Variants in SGCG observed in about 807,000 individuals in gnomAD.
The protein encoded by SGCG is gamma-sarcoglycan.
In SGCG, 26 loss-of-function variants were observed where a neutral mutation model predicts 29.3. The observed-to-expected ratio is 0.89, with a 90% CI of 0.65 to 1.23. The LOEUF is 1.23. SGCG is among the 50% of genes most tolerant of loss of function. The pLI is 0.00. For missense variants in SGCG, 353 were observed against 356.0 expected (o/e 0.99, Z 0.07); for synonymous variants, 145 against 129.7 (o/e 1.12, Z -0.80).
chr13:23,200,314 T>C lies in SGCG; in HGVS notation c.1-3381T>C, dbSNP rs192530187. 1.5e-4 allele frequency among the ~76,000 whole-genome samples: 22 copies of C among 150,420 alleles called. No homozygotes were observed. The East Asian group carries it at 4.2e-3, about 29-fold the overall frequency. On this transcript the variant is annotated intron_variant, in intron 1 of 7. Coordinates refer to ENST00000218867, the MANE Select transcript of SGCG (RefSeq NM_000231.3). ...GGCATGTGCCTGTAATCCCAGCTGCTTGGGAGACCGAGGCAGGAGACTCAC... is the reference window on the plus strand; with the variant it reads ...GGCATGTGCCTGTAATCCCAGCTGCCTGGGAGACCGAGGCAGGAGACTCAC...
chr13:23,323,869 A>G (rs1883136196), intron 7 of SGCG, among the ~76,000 whole-genome samples: 1 of 152,234 alleles, frequency 6.6e-6, no homozygotes, highest in South Asian at 2.1e-4. Flanking sequence ...GGTAAAAATT[A>G]TTAAGATGAA....
intron 2 of SGCG, among the ~76,000 whole-genome samples, chr13:23,226,788 T>C (rs1344738718): frequency 1.3e-5 from 2 of 152,050 alleles, no homozygotes; most frequent in African/African-American, 2.4e-5. Flanking sequence ...GGGTACCGAG[T>C]TGCAGTTTAG....
chr13:23,195,698 TAAG>T (rs1411276550), intron 1 of SGCG, among the ~76,000 whole-genome samples: 2 of 151,558 alleles, frequency 1.3e-5, no homozygotes, highest in African/African-American at 4.8e-5. Context: ...GTGTGTATAA[TAAG>T]GGTATTATTA....
At chr13:23,193,003 A>G (rs1877339384) in intron 1 of SGCG, among the ~76,000 whole-genome samples, 1 of 152,198 alleles carries the variant, frequency 6.6e-6, no homozygotes, top group Non-Finnish European at 1.5e-5. Context: ...ATGCATCATT[A>G]TGTCCTAAAA....
intron 1 of SGCG, among the ~76,000 whole-genome samples, chr13:23,195,563 GTTGGT>G (rs1216856217): frequency 4.0e-5 from 6 of 151,662 alleles, no homozygotes; most frequent in African/African-American, 1.5e-4. Flanking sequence ...CATTTATTCT[GTTGGT>G]TTGGTGTATT....
chr13:23,219,694 A>C (rs754678548), intron 2 of SGCG, among the ~76,000 whole-genome samples: 13 of 152,074 alleles, frequency 8.5e-5, no homozygotes, highest in Non-Finnish European at 1.9e-4. Flanking sequence ...TCATTTTATA[A>C]TGTATACATG....
chr13:23,160,684 G>C, the SGCG span, among the ~76,000 whole-genome samples: 1 of 152,108 alleles, frequency 6.6e-6, no homozygotes, highest in Non-Finnish European at 1.5e-5. Flanking sequence ...TTCGCCTTCA[G>C]TTCCCCCAAT....
intron 6 of SGCG, among the ~76,000 whole-genome samples, chr13:23,318,274 A>C (rs1371554474): frequency 6.6e-6 from 1 of 151,558 alleles, no homozygotes; most frequent in Non-Finnish European, 1.5e-5. Flanking sequence ...CTAATACACC[A>C]ATCAACTGTG....
intron 2 of SGCG, among the ~76,000 whole-genome samples, chr13:23,206,546 T>TCAATA (rs1877987702): frequency 6.6e-6 from 1 of 152,254 alleles, no homozygotes; most frequent in Non-Finnish European, 1.5e-5. Flanking sequence ...TTTTCTTTAT[T>TCAATA]CATTTGTTGT....
chr13:23,299,335 T>C (rs768309137), intron 6 of SGCG, among the ~76,000 whole-genome samples: 3 of 148,554 alleles, frequency 2.0e-5, no homozygotes, highest in Non-Finnish European at 3.0e-5. Flanking sequence ...TTCCACTTTT[T>C]ATTTCTGGTT....
At chr13:23,172,216 G>A in the SGCG span, among the ~76,000 whole-genome samples, 1 of 152,172 alleles carries the variant, frequency 6.6e-6, no homozygotes, top group African/African-American at 2.4e-5. Flanking sequence ...CTAAGAATAT[G>A]TGGTTTTCTC....
intron 1 of SGCG, among the ~76,000 whole-genome samples, chr13:23,187,072 C>A (rs573499179): frequency 5.3e-5 from 8 of 152,286 alleles, no homozygotes; most frequent in African/African-American, 1.7e-4. Context: ...GTGGCTGGAT[C>A]AGCCTTGCCA....
chr13:23,175,102 A>C, the SGCG span, among the ~76,000 whole-genome samples: 6 of 152,226 alleles, frequency 3.9e-5, no homozygotes, highest in Non-Finnish European at 8.8e-5. Context: ...CCACAGAAGG[A>C]GCTGAAAGAG....
chr13:23,279,420 A>T lies in SGCG; in HGVS notation c.447A>T (p.Pro149=). The change falls in exon 5 of 8, where the codon CCA becomes CCT. Residue 149 remains proline (P), a synonymous_variant. Transcript: ENST00000218867. ...QFQINSNDGK[P]LFTVDEKEVV... The stretch of plus-strand genomic sequence containing the variant: ...AGATCAACTCCAACGACGGCAAGCC[A>T]CTATTTACTGTAGATGAGAAGGAAG... The T allele has an allele frequency of 6.2e-7, 1 of 1,613,316 alleles. No homozygotes were observed. The highest frequency in any genetic ancestry group is 1.1e-5 in the South Asian group (1 of 91,064).
intron 4 of SGCG, 100 bp downstream of exon 4, chr13:23,250,817 T>C: frequency 1.3e-6 from 1 of 770,930 alleles, no homozygotes; most frequent in Non-Finnish European, 2.3e-6. Context: ...AAGCTACTTA[T>C]GAACAAAATA....
intron 2 of SGCG, among the ~76,000 whole-genome samples, chr13:23,211,317 C>A (rs1878200525): frequency 6.6e-6 from 1 of 152,182 alleles, no homozygotes; most frequent in Non-Finnish European, 1.5e-5. Context: ...CAGCCACACA[C>A]ATCACTCTCC....
intron 5 of SGCG, among the ~76,000 whole-genome samples, chr13:23,288,400 C>G (rs1166757577): frequency 6.6e-6 from 1 of 151,906 alleles, no homozygotes; most frequent in Non-Finnish European, 1.5e-5. Context: ...TGCACCAAGT[C>G]CTAATCCTGA....
At chr13:23,240,265 T>C (rs1173602070) in intron 3 of SGCG, among the ~76,000 whole-genome samples, 2 of 152,188 alleles carry the variant, frequency 1.3e-5, no homozygotes, top group Admixed American at 1.3e-4. Flanking sequence ...GAATAAATTC[T>C]TCAATATTTA....
intron 4 of SGCG, among the ~76,000 whole-genome samples, chr13:23,273,450 G>T (rs560147055): frequency 6.6e-6 from 1 of 152,150 alleles, no homozygotes; most frequent in Admixed American, 6.5e-5. Context: ...CTCCCAAAGC[G>T]CTGGGATTAC....
Sources: allele counts gnomAD v4.1 joint callset (sites outside exome capture counted in the v4.1 genomes callset), GRCh38; gene constraint gnomAD v4.1.1; transcripts MANE v1.5; gene names NCBI Gene and HGNC (gene_info 2026-07-23, HGNC 2026-07-21).